OR9I1: variants seen among roughly 807,000 people sequenced by gnomAD.
OR9I1 encodes the protein olfactory receptor 9I1.
OR9I1 carries 7 observed loss-of-function variants against 11.2 expected under a neutral mutation model. The observed-to-expected ratio is 0.62, with a 90% CI of 0.36 to 1.17. The LOEUF (loss-of-function observed/expected upper bound fraction) is 1.17, where lower values mean the gene tolerates loss of function less well. Among genes scored for constraint, OR9I1 ranks in the 50% most tolerant of loss-of-function variants. The pLI is 0.02. For missense variants in OR9I1, 428 were observed against 377.2 expected (o/e 1.13, Z -1.12); for synonymous variants, 165 against 153.4 (o/e 1.08, Z -0.56).
In OR9I1 at chr11:58,119,090, C is replaced by A. The variant is rs774030898; in HGVS notation, c.355G>T (p.Ala119Ser). The A allele has an allele frequency of 1.2e-6, 2 of 1,613,784 alleles. No individual in the cohort carries two copies. Among genetic ancestry groups the A allele is most frequent in the African/African-American group, 2.7e-5 (2 of 74,904 alleles). ...GTECFLLAVM[A>S]YDRYAAIRNP... ...CGAATGGCAGCATAGCGATCATAGG[C>A]CATCACTGCCAGCAGAAAGCACTCT... The change falls in exon 3 of 3, where the codon GCC becomes TCC. Residue 119 changes from alanine to serine, a missense_variant. Transcript: ENST00000641439.
At chr11:58,123,628 G>T (rs1158326010) in intron 2 of OR9I1, among the ~76,000 whole-genome samples, 2 of 152,192 alleles carry the variant, frequency 1.3e-5, no homozygotes, top group Admixed American at 6.5e-5. Flanking sequence ...AGTTAAGAAG[G>T]TTGTCCAACT....
At chr11:58,123,758 G>T (rs987460731) in intron 2 of OR9I1, among the ~76,000 whole-genome samples, 5 of 152,090 alleles carry the variant, frequency 3.3e-5, no homozygotes, top group Non-Finnish European at 5.9e-5. Context: ...GACCCTTTAT[G>T]CAGATCCAAG....
At chr11:58,119,518 T>C in intron 2 of OR9I1, 52 bp from the exon 3 acceptor site, 2 of 1,031,980 alleles carry the variant, frequency 1.9e-6, no homozygotes, top group Non-Finnish European at 2.9e-6. Context: ...GACAGAATCT[T>C]TCCCTCTATG....
chr11:58,125,231 T>TCC (rs1854077681), intron 1 of OR9I1, 43 bp downstream of exon 1: 3 of 47,536 alleles, frequency 6.3e-5, no homozygotes, highest in Admixed American at 2.8e-4. Context: ...ATTCCCCCCT[T>TCC]ACCCACCGCC....
Position 58,118,186 on chromosome 11 carries a change from G to A in OR9I1, c.*314C>T. On this transcript the variant is annotated 3_prime_UTR_variant, in exon 3 of 3. Coordinates refer to ENST00000641439, the MANE Select transcript of OR9I1 (RefSeq NM_001005211.2). ...TGGCAAGCCCAGGCATGAGTTGAGA[G>A]AGTATTGGGTTGGAATGAAATAAAC... 1 of 207,478 alleles carries A rather than the reference G, an allele frequency of 4.8e-6. No individual in the cohort carries two copies. Among genetic ancestry groups the A allele is most frequent in the African/African-American group, 2.3e-5 (1 of 43,580 alleles). The allele number at this position is 207,478 out of a possible 1,614,324, so 12.9% of individuals were successfully genotyped here.
At position 58,118,730 on chromosome 11, in the gene OR9I1, A is replaced by G. The variant is rs755715601; in HGVS notation, c.715T>C (p.Ser239Pro). ...KSSGGRAKTF[S>P]TCASHITAVA... ...GCAGTGATGTGAGAGGCACATGTGG[A>G]GAAAGTCTTGGCCCTGCCACCTGAA... Residue 239 changes from serine to proline, a missense_variant, in exon 3 of 3, where the codon TCC (serine) becomes CCC (proline). Coordinates refer to ENST00000641439, the MANE Select transcript of OR9I1 (RefSeq NM_001005211.2). 3.7e-6 allele frequency: 6 copies of G among 1,614,074 alleles called. No individual in the cohort carries two copies. Among genetic ancestry groups the G allele is most frequent in the Non-Finnish European group, 4.2e-6 (5 of 1,179,972 alleles).
At chr11:58,124,361 A>AGG (rs1030896906) in intron 2 of OR9I1, 77 bp downstream of exon 2, 6 of 152,186 alleles carry the variant, frequency 3.9e-5, no homozygotes, top group Admixed American at 2.6e-4. Flanking sequence ...TGACCTCTGG[A>AGG]GGGGATAGGG....
Position 58,119,081 on chromosome 11 carries a change from G to A in OR9I1, c.364C>T (p.Arg122Cys), listed in dbSNP as rs1383005002. Reference protein sequence around the residue: ...CFLLAVMAYDRYAAIRNPLLY... With the variant: ...CFLLAVMAYDCYAAIRNPLLY... ...AGTGGGTTGCGAATGGCAGCATAGC[G>A]ATCATAGGCCATCACTGCCAGCAGA... Residue 122 changes from arginine (R) to cysteine (C), a missense_variant, in exon 3 of 3, where the codon CGC becomes TGC. Arg to Cys is a radical substitution (Grantham distance 180). Transcript: ENST00000641439. 18 of 1,613,828 alleles carry A rather than the reference G, an allele frequency of 1.1e-5. No individual in the cohort carries two copies. In the East Asian group the frequency reaches 3.6e-4, roughly 32 times the overall value.
At position 58,117,295 on chromosome 11, in the gene OR9I1, A is replaced by G. The variant is rs1853965535; in HGVS notation, c.*1205T>C. ...AATTAAATCATTTACCCAAAGTCTC[A>G]TAATAAATCAGTGGTGGAATCAGGA... On this transcript the variant is annotated 3_prime_UTR_variant, in exon 3 of 3. Coordinates refer to ENST00000641439, the MANE Select transcript of OR9I1 (RefSeq NM_001005211.2). 1 of 152,202 alleles carries G rather than the reference A, an allele frequency of 6.6e-6. No individual in the cohort carries two copies. Among genetic ancestry groups the G allele is most frequent in the Admixed American group, 6.5e-5 (1 of 15,268 alleles). The allele number at this position is 152,202 out of a possible 1,614,324, so 9.4% of individuals were successfully genotyped here.
At chr11:58,121,540 G>A (rs1197430910) in intron 2 of OR9I1, among the ~76,000 whole-genome samples, 4 of 152,212 alleles carry the variant, frequency 2.6e-5, no homozygotes, top group Non-Finnish European at 5.9e-5. Context: ...GAGGAGCCAG[G>A]ATCCACAACC....
chr11:58,119,083 T>C lies in OR9I1; in HGVS notation c.362A>G (p.Asp121Gly), dbSNP rs1853995276. ...TGGGTTGCGAATGGCAGCATAGCGATCATAGGCCATCACTGCCAGCAGAAA... is the reference window on the plus strand; with the variant it reads ...TGGGTTGCGAATGGCAGCATAGCGACCATAGGCCATCACTGCCAGCAGAAA... ...ECFLLAVMAY[D>G]RYAAIRNPLL... Residue 121 changes from aspartate to glycine, a missense_variant, in exon 3 of 3, where the codon GAT becomes GGT. Asp to Gly is a moderately conservative substitution (Grantham distance 94). Transcript: ENST00000641439. The C allele has an allele frequency of 6.2e-7, 1 of 1,613,942 alleles. No individual in the cohort carries two copies. Among genetic ancestry groups the C allele is most frequent in the Non-Finnish European group, 8.5e-7 (1 of 1,179,966 alleles).
chr11:58,124,915 T>C (rs893752568), intron 1 of OR9I1, among the ~76,000 whole-genome samples: 4 of 152,206 alleles, frequency 2.6e-5, no homozygotes, highest in African/African-American at 9.6e-5. Context: ...ACAATGATCC[T>C]ACAAAAAAGG....
At position 58,118,514 on chromosome 11, in the gene OR9I1, A is replaced by T. The variant is rs771469071; in HGVS notation, c.931T>A (p.Ser311Thr). ...FRKVARRLQV[S>T]LSM is the part of the protein sequence containing the mutation. ...CTTACTTAGATCTACATGCTCAGGG[A>T]CACCTGGAGTCTCCTAGCGACCTTT... Residue 311 changes from serine to threonine, a missense_variant, in exon 3 of 3, where the codon TCC (serine) becomes ACC (threonine). By Grantham distance (58) the Ser-to-Thr change is moderately conservative. Transcript: ENST00000641439. The T allele has an allele frequency of 6.3e-7, 1 of 1,597,364 alleles. No individual in the cohort carries two copies.
intron 2 of OR9I1, among the ~76,000 whole-genome samples, chr11:58,121,401 A>C (rs1590602545): frequency 1.3e-5 from 2 of 152,142 alleles, no homozygotes; most frequent in African/African-American, 4.8e-5. Flanking sequence ...TTTTTTTCCC[A>C]AAGTCATCTC....
rs938110996 is a variant in OR9I1 at position 58,125,402 on chromosome 11, A to G, written c.-353T>C. Reference sequence around the variant, plus strand: ...CTAGTTTGTGTGGACCTTACTTCAGAGCCAAGGTAATAATTAAGTCTTAAT... The same window carrying G: ...CTAGTTTGTGTGGACCTTACTTCAGGGCCAAGGTAATAATTAAGTCTTAAT... On this transcript the variant is annotated 5_prime_UTR_variant, in exon 1 of 3. Coordinates refer to ENST00000641439, the MANE Select transcript of OR9I1 (RefSeq NM_001005211.2). 7 of 152,258 alleles carry G rather than the reference A, an allele frequency of 4.6e-5. No homozygotes were observed. The highest frequency in any genetic ancestry group is 1.7e-4 in the African/African-American group (7 of 41,556). The allele number at this position is 152,258 out of a possible 1,614,324, so 9.4% of individuals were successfully genotyped here. A position where few individuals can be genotyped will look rare whatever the true frequency, so the allele number is the denominator to read the frequency against.
intron 2 of OR9I1, among the ~76,000 whole-genome samples, chr11:58,122,252 C>A (rs1031562909): frequency 2.0e-5 from 3 of 152,160 alleles, no homozygotes; most frequent in African/African-American, 7.2e-5. Flanking sequence ...GAGACATTGA[C>A]AGATCACGTC....
Position 58,118,681 on chromosome 11 carries a change from A to G in OR9I1, c.764T>C (p.Leu255Pro). The G allele has an allele frequency of 6.2e-7, 1 of 1,614,024 alleles. No homozygotes were observed. ...ITAVALFFGALIFMYLQSGSG... is the reference protein window; with the variant it reads ...ITAVALFFGAPIFMYLQSGSG... ...GCCACTTTGCAGATACATGAAGATAAGGGCTCCAAAGAAAAGGGCCACAGC... is the reference window on the plus strand; with the variant it reads ...GCCACTTTGCAGATACATGAAGATAGGGGCTCCAAAGAAAAGGGCCACAGC... The change falls in exon 3 of 3, where the codon CTT becomes CCT. Residue 255 changes from leucine (L) to proline (P), a missense_variant. Leu to Pro is a moderately conservative substitution (Grantham distance 98, BLOSUM62 -3). Coordinates refer to ENST00000641439, the MANE Select transcript of OR9I1 (RefSeq NM_001005211.2).
intron 2 of OR9I1, among the ~76,000 whole-genome samples, chr11:58,120,380 T>C (rs1854016530): frequency 6.6e-6 from 1 of 152,158 alleles, no homozygotes; most frequent in Non-Finnish European, 1.5e-5. Flanking sequence ...TAGAAAAATA[T>C]GCTTATGTCA....
intron 2 of OR9I1, among the ~76,000 whole-genome samples, chr11:58,123,548 C>A (rs991256545): frequency 2.0e-5 from 3 of 152,118 alleles, no homozygotes; most frequent in African/African-American, 7.2e-5. Context: ...TAGCTCTAGT[C>A]CTTCCTGAAG....
Sources: allele counts gnomAD v4.1 joint callset (sites outside exome capture counted in the v4.1 genomes callset), GRCh38; gene constraint gnomAD v4.1.1; transcripts MANE v1.5; gene names NCBI Gene and HGNC (gene_info 2026-07-23, HGNC 2026-07-21).